Variants in MTCL3 observed in about 807,000 individuals in gnomAD.
The protein encoded by MTCL3 is MTCL family member 3.
the MTCL3 span, among the ~76,000 whole-genome samples, chr6:127,508,358 G>T: frequency 6.6e-6 from 1 of 152,096 alleles, no homozygotes; most frequent in Non-Finnish European, 1.5e-5. Flanking sequence ...AAGAGAATCT[G>T]GGTATACAGA....
the MTCL3 span, among the ~76,000 whole-genome samples, chr6:127,505,439 T>A: frequency 6.6e-6 from 1 of 152,318 alleles, no homozygotes; most frequent in Non-Finnish European, 1.5e-5. Context: ...ATACTGCGTG[T>A]TCTCACTTAC....
chr6:127,501,623 G>T, the MTCL3 span, among the ~76,000 whole-genome samples: 2 of 152,136 alleles, frequency 1.3e-5, no homozygotes, highest in Non-Finnish European at 2.9e-5. Flanking sequence ...AAATAACTGA[G>T]CTAGCCAGCA....
the MTCL3 span, among the ~76,000 whole-genome samples, chr6:127,487,485 G>GA: frequency 6.6e-6 from 1 of 152,150 alleles, no homozygotes; most frequent in Non-Finnish European, 1.5e-5. Flanking sequence ...GAAGGAAACT[G>GA]AAAAAGGTAG....
chr6:127,512,981 T>C, the MTCL3 span: 5 of 1,611,946 alleles, frequency 3.1e-6, no homozygotes, highest in South Asian at 1.1e-5. Flanking sequence ...TTTCATCTTC[T>C]GTTGTTGTTC....
chr6:127,504,558 G>T, the MTCL3 span, among the ~76,000 whole-genome samples: 2 of 152,082 alleles, frequency 1.3e-5, no homozygotes, highest in Non-Finnish European at 2.9e-5. Flanking sequence ...ATGGTAGAGG[G>T]GAGTGGTGGA....
chr6:127,512,897 C>T, the MTCL3 span: 2 of 1,610,088 alleles, frequency 1.2e-6, no homozygotes, highest in African/African-American at 1.3e-5. Context: ...TAACCTCTTT[C>T]ATTTTTTCCA....
At chr6:127,515,788 G>C in the MTCL3 span, 2 of 1,607,620 alleles carry the variant, frequency 1.2e-6, no homozygotes, top group Non-Finnish European at 1.7e-6. The surrounding 1 kb of genome is among the most constrained non-coding windows in gnomAD (Gnocchi z 4.3). Context: ...GTGCATCTGA[G>C]CCGCGGCCGC....
chr6:127,483,706 A>G, the MTCL3 span, among the ~76,000 whole-genome samples: 11 of 152,352 alleles, frequency 7.2e-5, no homozygotes, highest in African/African-American at 7.2e-5. Flanking sequence ...ATACACAGCT[A>G]GTGCCAAACT....
chr6:127,516,039 C>T, the MTCL3 span: 1 of 1,560,100 alleles, frequency 6.4e-7, no homozygotes, highest in East Asian at 2.4e-5. Context: ...AGCCCCTGGG[C>T]GGCGGCGGCT....
chr6:127,481,840 A>C, the MTCL3 span, among the ~76,000 whole-genome samples: 7 of 152,232 alleles, frequency 4.6e-5, no homozygotes, highest in Admixed American at 1.3e-4. Context: ...TCTGAGTCAC[A>C]GGATGAGATA....
At chr6:127,494,816 G>C in the MTCL3 span, among the ~76,000 whole-genome samples, 1 of 152,044 alleles carries the variant, frequency 6.6e-6, no homozygotes, top group Non-Finnish European at 1.5e-5. Flanking sequence ...AATATATCAT[G>C]TATTATACTT....
At chr6:127,497,444 G>A in the MTCL3 span, among the ~76,000 whole-genome samples, 1 of 152,200 alleles carries the variant, frequency 6.6e-6, no homozygotes, top group Admixed American at 6.5e-5. Context: ...GAGCACCCAT[G>A]TTGAGGTTTA....
chr6:127,508,933 G>A, the MTCL3 span, among the ~76,000 whole-genome samples: 268 of 152,272 alleles, frequency 1.8e-3, 1 homozygote, highest in Non-Finnish European at 2.9e-3. Flanking sequence ...ATTGTCCAAA[G>A]CCTCCTCCAC....
At chr6:127,515,623 A>C in the MTCL3 span, 3 of 1,410,844 alleles carry the variant, frequency 2.1e-6, no homozygotes, top group Non-Finnish European at 2.8e-6. This position sits in a 1 kb window ranked among gnomAD's most constrained non-coding sequence, Gnocchi z 4.3. Context: ...TGCCGCCTGC[A>C]TGCCCCCGCC....
chr6:127,515,885 C>A, the MTCL3 span: 1 of 1,611,920 alleles, frequency 6.2e-7, no homozygotes, highest in Non-Finnish European at 8.5e-7. The surrounding 1 kb of genome is among the most constrained non-coding windows in gnomAD (Gnocchi z 4.3). Context: ...CCTCCACCAC[C>A]GCTGCCGCCC....
At chr6:127,505,450 A>T in the MTCL3 span, among the ~76,000 whole-genome samples, 5 of 152,202 alleles carry the variant, frequency 3.3e-5, no homozygotes, top group Non-Finnish European at 7.4e-5. Flanking sequence ...TCTCACTTAC[A>T]AGTGGGCGCT....
chr6:127,481,193 A>G, the MTCL3 span: 1 of 629,506 alleles, frequency 1.6e-6, no homozygotes, highest in Non-Finnish European at 2.0e-6. Context: ...AACTTTTAAC[A>G]CAGGAAGTGT....
chr6:127,476,249 G>A, the MTCL3 span: 48 of 1,614,036 alleles, frequency 3.0e-5, no homozygotes, highest in Admixed American at 7.8e-4. This position sits in a 1 kb window ranked among gnomAD's most constrained non-coding sequence, Gnocchi z 4.4. Flanking sequence ...TCCTCCACCA[G>A]CCTTAGCCGT....
At chr6:127,484,194 C>A in the MTCL3 span, among the ~76,000 whole-genome samples, 1 of 152,196 alleles carries the variant, frequency 6.6e-6, no homozygotes, top group Admixed American at 6.5e-5. Context: ...AAATTAAATT[C>A]TTCACATGTT....
Sources: gnomAD v4.1 joint callset for allele counts (sites outside exome capture counted in the v4.1 genomes callset) on GRCh38, gnomAD v4.1.1 for gene constraint, Gnocchi (gnomAD v3.1) non-coding constraint, MANE v1.5 for transcripts, NCBI Gene and HGNC (gene_info 2026-07-23, HGNC 2026-07-21) for gene names.